NFATC3: variants seen among roughly 807,000 people sequenced by gnomAD.
The protein encoded by NFATC3 is nuclear factor of activated T-cells, cytoplasmic 3.
In NFATC3, 46 loss-of-function variants were observed where a neutral mutation model predicts 98.6. The observed-to-expected ratio is 0.47, with a 90% CI of 0.37 to 0.60. The LOEUF is 0.60. Among genes scored for constraint, NFATC3 ranks in the 20% least tolerant of loss-of-function variants. The probability of loss-of-function intolerance (pLI) is 0.00; values close to 1 mark genes in which losing one functional copy is unlikely to be tolerated. For missense variants in NFATC3, 1,256 were observed against 1,295.5 expected, an observed-to-expected ratio of 0.97 and a Z score of 0.47; for synonymous variants, 512 against 472.2, an observed-to-expected ratio of 1.08 and a Z score of -1.09.
At chr16:68,089,315 ATGT>A in intron 1 of NFATC3, 3 of 966,304 alleles carry the variant, frequency 3.1e-6, no homozygotes, top group Non-Finnish European at 3.7e-6. Flanking sequence ...ACGCTTAATA[ATGT>A]TGTATGTTGT....
intron 1 of NFATC3, among the ~76,000 whole-genome samples, chr16:68,100,682 G>C (rs928375192): frequency 6.6e-6 from 1 of 151,328 alleles, no homozygotes; most frequent in African/African-American, 2.4e-5. Flanking sequence ...GGCAGCATTT[G>C]GTATTAACAC....
intron 3 of NFATC3, among the ~76,000 whole-genome samples, chr16:68,133,882 T>C (rs549131986): frequency 1.3e-5 from 2 of 151,708 alleles, no homozygotes; most frequent in South Asian, 4.1e-4. Context: ...TGCCCTTTTT[T>C]TTAAAAAAAA....
intron 9 of NFATC3, among the ~76,000 whole-genome samples, chr16:68,208,828 A>C (rs1567550638): frequency 6.6e-6 from 1 of 151,686 alleles, no homozygotes; most frequent in African/African-American, 2.4e-5. Context: ...TGTTGATTCT[A>C]TATTCTGCCA....
At chr16:68,110,401 C>T (rs199702559) in intron 1 of NFATC3, among the ~76,000 whole-genome samples, 12 of 151,168 alleles carry the variant, frequency 7.9e-5, no homozygotes, top group East Asian at 5.9e-4. Context: ...CTCCGCCTCC[C>T]GGGTTCATGC....
chr16:68,138,704 G>A (rs778822141), intron 3 of NFATC3: 3 of 1,288,228 alleles, frequency 2.3e-6, no homozygotes, highest in South Asian at 2.5e-5. Flanking sequence ...AGAAGTACTG[G>A]GAAAAGTAGT....
At chr16:68,094,084 G>A (rs1313358478) in intron 1 of NFATC3, among the ~76,000 whole-genome samples, 3 of 152,110 alleles carry the variant, frequency 2.0e-5, no homozygotes, top group African/African-American at 4.8e-5. Context: ...TCGCTATATC[G>A]CTAACTGTGC....
At chr16:68,161,055 G>A (rs1025340897) in intron 4 of NFATC3, among the ~76,000 whole-genome samples, 2 of 152,084 alleles carry the variant, frequency 1.3e-5, no homozygotes, top group Admixed American at 6.6e-5. Flanking sequence ...TCAGATACTC[G>A]AGCAAAACTT....
At chr16:68,183,407 C>G (rs1367783396) in intron 8 of NFATC3, 41 bp downstream of exon 8, 5 of 1,596,276 alleles carry the variant, frequency 3.1e-6, no homozygotes. Context: ...GCTTTCTTTC[C>G]TAATGAATAA....
intron 8 of NFATC3, among the ~76,000 whole-genome samples, chr16:68,184,023 A>AG (rs2040061406): frequency 6.6e-6 from 1 of 151,814 alleles, no homozygotes. Context: ...AAAAAAAAAA[A>AG]AAGAAATGAG....
At chr16:68,088,465 T>C (rs1231545418) in intron 1 of NFATC3, among the ~76,000 whole-genome samples, 3 of 125,476 alleles carry the variant, frequency 2.4e-5, no homozygotes, top group African/African-American at 8.0e-5. Context: ...CATATAATTA[T>C]ATATAATATA....
At chr16:68,137,595 T>C (rs928220302) in intron 3 of NFATC3, among the ~76,000 whole-genome samples, 2 of 152,028 alleles carry the variant, frequency 1.3e-5, no homozygotes, top group Non-Finnish European at 2.9e-5. Flanking sequence ...TCTCATAATT[T>C]CTTAGTATAT....
intron 9 of NFATC3, 171 bp downstream of exon 9, chr16:68,191,946 A>C: frequency 1.4e-6 from 1 of 698,900 alleles, no homozygotes; most frequent in Non-Finnish European, 2.3e-6. Context: ...ACCACGGCTC[A>C]CGCCTGTATC....
At chr16:68,148,064 G>A (rs1339514902) in intron 3 of NFATC3, among the ~76,000 whole-genome samples, 2 of 152,052 alleles carry the variant, frequency 1.3e-5, no homozygotes, top group Non-Finnish European at 2.9e-5. Context: ...ACTCCAGGCT[G>A]GAGTGCAATG....
At chr16:68,181,361 GT>G in intron 6 of NFATC3, 113 bp from the exon 7 acceptor site, 1 of 724,106 alleles carries the variant, frequency 1.4e-6, no homozygotes, top group Non-Finnish European at 2.4e-6. Context: ...ATGGAAGTCA[GT>G]GGAAAAAAGA....
intron 1 of NFATC3, among the ~76,000 whole-genome samples, chr16:68,103,332 C>T (rs1323713206): frequency 6.6e-6 from 1 of 152,106 alleles, no homozygotes. Context: ...CCTCAGCCTT[C>T]CAAGTAGCTG....
chr16:68,094,984 TGAGTG>T (rs974414571), intron 1 of NFATC3, among the ~76,000 whole-genome samples: 15 of 152,222 alleles, frequency 9.9e-5, no homozygotes, highest in African/African-American at 3.6e-4. Context: ...CTGGTAAAGA[TGAGTG>T]GAATTATTCT....
intron 9 of NFATC3, chr16:68,212,580 A>G (rs1283512767): frequency 6.6e-6 from 1 of 152,068 alleles, no homozygotes; most frequent in Non-Finnish European, 1.5e-5. Context: ...GTACTGCAAA[A>G]CTGACCAGTG....
intron 2 of NFATC3, among the ~76,000 whole-genome samples, chr16:68,125,141 T>C (rs2036769742): frequency 6.6e-6 from 1 of 152,232 alleles, no homozygotes; most frequent in Admixed American, 6.6e-5. Context: ...CTGAAATTTA[T>C]CTTAATTTTT....
chr16:68,091,238 G>A (rs1016330733), intron 1 of NFATC3, among the ~76,000 whole-genome samples: 1 of 152,150 alleles, frequency 6.6e-6, no homozygotes, highest in Non-Finnish European at 1.5e-5. Flanking sequence ...TATATACATA[G>A]CCAAGAAGTT....
Sources: allele counts gnomAD v4.1 joint callset (sites outside exome capture counted in the v4.1 genomes callset), GRCh38; gene constraint gnomAD v4.1.1; transcripts MANE v1.5; gene names NCBI Gene and HGNC (gene_info 2026-07-23, HGNC 2026-07-21).